MGA: variants seen among roughly 807,000 people sequenced by gnomAD.
The protein encoded by MGA is MAX gene-associated protein.
MGA carries 40 observed loss-of-function variants against 261.1 expected under a neutral mutation model. The ratio of observed to expected loss-of-function variants is 0.15; its 90% CI spans 0.12 to 0.20. The LOEUF (loss-of-function observed/expected upper bound fraction) is 0.20. Ranked by LOEUF, MGA falls within the 10% of genes least tolerant of loss-of-function variation. The probability of loss-of-function intolerance (pLI) is 1.00; values close to 1 mark genes in which losing one functional copy is unlikely to be tolerated. For synonymous variants in MGA, 1,302 were observed against 1,290.6 expected (o/e 1.01, Z -0.19); for missense variants, 3,397 against 3,630.5 (o/e 0.94, Z 1.65).
At chr15:41,651,778 T>C (rs2057061896) in intron 1 of MGA, among the ~76,000 whole-genome samples, 1 of 14,870 alleles carries the variant, frequency 6.7e-5, no homozygotes, top group Non-Finnish European at 1.5e-4. Context: ...CCCCCTCTCC[T>C]TTCCCCTCTT....
At chr15:41,627,543 G>A (rs963388225) in intron 1 of MGA, among the ~76,000 whole-genome samples, 2 of 152,158 alleles carry the variant, frequency 1.3e-5, no homozygotes, top group African/African-American at 4.8e-5. Context: ...TCACTTGGCT[G>A]TCAGTTTTGT....
At chr15:41,724,451 C>A (rs552217880) in intron 9 of MGA, among the ~76,000 whole-genome samples, 1 of 152,242 alleles carries the variant, frequency 6.6e-6, no homozygotes, top group East Asian at 1.9e-4. Context: ...AAGTCTGATA[C>A]GTAGTAGAAA....
At chr15:41,633,970 C>T (rs2056647880) in intron 1 of MGA, among the ~76,000 whole-genome samples, 1 of 152,088 alleles carries the variant, frequency 6.6e-6, no homozygotes, top group Non-Finnish European at 1.5e-5. Context: ...CATCTCCTTG[C>T]TTTTCCTTGT....
chr15:41,685,314 T>C (rs1279450175), intron 2 of MGA, among the ~76,000 whole-genome samples: 2 of 152,216 alleles, frequency 1.3e-5, no homozygotes, highest in Admixed American at 6.5e-5. Context: ...TTCATTGATT[T>C]ATTTGTCTAT....
intron 2 of MGA, among the ~76,000 whole-genome samples, chr15:41,690,086 AT>A: frequency 6.6e-6 from 1 of 151,876 alleles, no homozygotes; most frequent in Non-Finnish European, 1.5e-5. Context: ...GTAACTTCCC[AT>A]TTTCCCTCAA....
chr15:41,652,536 A>ATTT (rs565376449), intron 1 of MGA, among the ~76,000 whole-genome samples: 1 of 136,396 alleles, frequency 7.3e-6, no homozygotes, highest in Non-Finnish European at 1.6e-5. Context: ...AGCTAATTAA[A>ATTT]TTTTTTTTTT....
At chr15:41,753,324 C>T (rs186867422) in intron 17 of MGA, among the ~76,000 whole-genome samples, 167 of 151,540 alleles carry the variant, frequency 1.1e-3, no homozygotes, top group Middle Eastern at 3.5e-3. Flanking sequence ...GCAGGAGAAT[C>T]GTTTGAATCC....
At chr15:41,641,944 C>T (rs748968629) in intron 1 of MGA, among the ~76,000 whole-genome samples, 7 of 151,960 alleles carry the variant, frequency 4.6e-5, no homozygotes, top group Non-Finnish European at 1.0e-4. Flanking sequence ...TACAGGTGCA[C>T]GCCACCACAC....
chr15:41,643,137 C>A (rs1002039788), intron 1 of MGA, among the ~76,000 whole-genome samples: 14 of 150,224 alleles, frequency 9.3e-5, no homozygotes, highest in African/African-American at 3.4e-4. Context: ...GAATTGAGCT[C>A]AAGCCATCTT....
chr15:41,705,374 TC>T (rs2060054340), intron 5 of MGA, among the ~76,000 whole-genome samples: 1 of 152,122 alleles, frequency 6.6e-6, no homozygotes, highest in African/African-American at 2.4e-5. Context: ...TTTTTTTTTT[TC>T]AAGACAGGAT....
At chr15:41,672,671 A>T (rs756846162) in intron 2 of MGA, among the ~76,000 whole-genome samples, 2 of 152,212 alleles carry the variant, frequency 1.3e-5, no homozygotes, top group Non-Finnish European at 2.9e-5. Flanking sequence ...TAAATGCTTG[A>T]TACGGGAGCA....
At chr15:41,656,205 G>A (rs970186011), upstream of MGA, among the ~76,000 whole-genome samples, 1 of 152,068 alleles carries the variant, frequency 6.6e-6, no homozygotes, top group African/African-American at 2.4e-5. Context: ...TTAAACTTAA[G>A]TATGAAGGGT....
chr15:41,712,462 C>T (rs1175897727), intron 8 of MGA, among the ~76,000 whole-genome samples: 1 of 152,120 alleles, frequency 6.6e-6, no homozygotes, highest in African/African-American at 2.4e-5. Flanking sequence ...AAGCTATCTG[C>T]CTGCCTCGGC....
Position 41,736,714 on chromosome 15 carries a change from A to G in MGA, c.4434+16A>G. ...GCTTATCCAGGTGAGAATTATCTTTAATCTGGGTATAGCACCTTTGTATAC... is the reference window on the plus strand; with the variant it reads ...GCTTATCCAGGTGAGAATTATCTTTGATCTGGGTATAGCACCTTTGTATAC... On this transcript the variant is annotated intron_variant, in intron 13 of 23. Coordinates refer to ENST00000219905, the MANE Select transcript of MGA (RefSeq NM_001164273.2). 1 of 1,577,970 alleles carries G rather than the reference A, an allele frequency of 6.3e-7. No homozygotes were observed. The highest frequency in any genetic ancestry group is 2.2e-5 in the East Asian group (1 of 44,600).
At chr15:41,737,309 T>G (rs139534243) in intron 13 of MGA, among the ~76,000 whole-genome samples, 301 of 146,430 alleles carry the variant, frequency 2.1e-3, no homozygotes, top group African/African-American at 7.8e-3. Context: ...TTTGTGTGTG[T>G]TTTTTTTTGT....
At chr15:41,750,939 C>T (rs2062797487) in intron 17 of MGA, 7 of 193,136 alleles carry the variant, frequency 3.6e-5, no homozygotes, top group Non-Finnish European at 3.2e-5. Flanking sequence ...ATTTCTATGA[C>T]GTTTTCTATG....
intron 1 of MGA, among the ~76,000 whole-genome samples, chr15:41,663,836 TTGGTGTGTC>T (rs1244432661): frequency 6.6e-6 from 1 of 152,168 alleles, no homozygotes; most frequent in Non-Finnish European, 1.5e-5. Flanking sequence ...TAGAGTGGTC[TTGGTGTGTC>T]TGAAACAGCT....
chr15:41,684,240 A>G (rs2058827150), intron 2 of MGA, among the ~76,000 whole-genome samples: 1 of 152,226 alleles, frequency 6.6e-6, no homozygotes, highest in African/African-American at 2.4e-5. Flanking sequence ...AATGAGTTTT[A>G]TCATGAGTAT....
At chr15:41,737,852 C>T (rs537711178) in intron 13 of MGA, among the ~76,000 whole-genome samples, 7 of 151,756 alleles carry the variant, frequency 4.6e-5, no homozygotes, top group South Asian at 2.1e-4. Flanking sequence ...TGGTGGCGCG[C>T]GCCTGTAATC....
Sources: gnomAD v4.1 joint callset for allele counts (sites outside exome capture counted in the v4.1 genomes callset) on GRCh38, gnomAD v4.1.1 for gene constraint, MANE v1.5 for transcripts, NCBI Gene and HGNC (gene_info 2026-07-23, HGNC 2026-07-21) for gene names.